LTB4R2: variants seen among roughly 807,000 people sequenced by gnomAD.
LTB4R2 encodes leukotriene B4 receptor 2.
LTB4R2 carries 6 observed loss-of-function variants against 5.3 expected under a neutral mutation model. The ratio of observed to expected loss-of-function variants is 1.14; its 90% CI spans 0.62 to 2.24. The LOEUF is 2.24. Among genes scored for constraint, LTB4R2 ranks in the 30% most tolerant of loss-of-function variants. LTB4R2 has a pLI of 0.00. For synonymous variants in LTB4R2, 310 were observed against 264.2 expected (o/e 1.17, Z -1.68); for missense variants, 560 against 521.5 (o/e 1.07, Z -0.72).
rs748272105 is a variant in LTB4R2, at chr14:24,311,418, C to T, written c.754C>T (p.Leu252=). The change falls in exon 2 of 2, where the codon CTG becomes TTG. Residue 252 remains leucine, a synonymous_variant. Transcript: ENST00000533293. ...AVNLLQAVAA[L]APPEGALAKL... Reference sequence around the variant, plus strand: ...CAACCTTCTGCAGGCGGTCGCAGCGCTGGCTCCACCGGAAGGGGCCTTGGC... The same window carrying T: ...CAACCTTCTGCAGGCGGTCGCAGCGTTGGCTCCACCGGAAGGGGCCTTGGC... 2 of 1,601,438 alleles carry T rather than the reference C, an allele frequency of 1.2e-6. No individual in the cohort carries two copies. Among genetic ancestry groups the T allele is most frequent in the Non-Finnish European group, 8.5e-7 (1 of 1,179,744 alleles).
chr14:24,310,901 G>T lies in LTB4R2; in HGVS notation c.237G>T (p.Val79=), dbSNP rs2041673866. 5.0e-6 allele frequency: 8 copies of T among 1,593,186 alleles called. No individual in the cohort carries two copies. The highest frequency in any genetic ancestry group is 5.1e-6 in the Non-Finnish European group (6 of 1,177,006). Residue 79 remains valine, a synonymous_variant, in exon 2 of 2, where the codon GTG becomes GTT. Coordinates refer to ENST00000533293, the MANE Select transcript of LTB4R2 (RefSeq NM_019839.5). ...GAVLLLTPLF[V]AFLTRQAWPL... is the part of the protein sequence containing the mutation. The stretch of plus-strand genomic sequence containing the variant: ...TGCTGCTGCTCACGCCGCTCTTTGT[G>T]GCCTTCCTGACCCGGCAGGCCTGGC...
Position 24,310,805 on chromosome 14 carries a change from CTGGCGGCCTGCACGG to C in LTB4R2, c.142_156del (p.Trp48_Arg52del). The C allele has an allele frequency of 3.8e-6, 6 of 1,598,168 alleles. No individual in the cohort carries two copies. Among genetic ancestry groups the C allele is most frequent in the Non-Finnish European group, 5.1e-6 (6 of 1,174,406 alleles). On this transcript the variant is annotated inframe_deletion, in exon 2 of 2. Coordinates refer to ENST00000533293, the MANE Select transcript of LTB4R2 (RefSeq NM_019839.5). ...GCTTCGTGGTGTGGAGCTTGGCGGG[CTGGCGGCCTGCACGG>C]GGGCGACCGCTGGCGGCCACGCTTG... is the stretch of plus-strand genomic sequence containing the variant.
In LTB4R2 at chr14:24,311,429, G is replaced by C. The variant is rs775298161; in HGVS notation, c.765G>C (p.Pro255=). 2 of 1,601,362 alleles carry C rather than the reference G, an allele frequency of 1.2e-6. No homozygotes were observed. Among genetic ancestry groups the C allele is most frequent in the Non-Finnish European group, 1.7e-6 (2 of 1,179,788 alleles). The part of the protein sequence containing the change: ...LLQAVAALAP[P]EGALAKLGGA... ...AGGCGGTCGCAGCGCTGGCTCCACCGGAAGGGGCCTTGGCGAAGCTGGGCG... is the reference window on the plus strand; with the variant it reads ...AGGCGGTCGCAGCGCTGGCTCCACCCGAAGGGGCCTTGGCGAAGCTGGGCG... The change falls in exon 2 of 2, where the codon CCG becomes CCC. Residue 255 remains proline (P), a synonymous_variant. Coordinates refer to ENST00000533293, the MANE Select transcript of LTB4R2 (RefSeq NM_019839.5).
In LTB4R2 at chr14:24,310,950, G is replaced by T; in HGVS notation, c.286G>T (p.Ala96Ser). The change falls in exon 2 of 2, where the codon GCG (alanine) becomes TCG (serine). Residue 96 changes from alanine (A) to serine (S), a missense_variant. Transcript: ENST00000533293. ...AWPLGQAGCK[A>S]VYYVCALSMY... Reference sequence around the variant, plus strand: ...GCCGCTGGGCCAGGCGGGCTGCAAGGCGGTGTACTACGTGTGCGCGCTCAG... The same window carrying T: ...GCCGCTGGGCCAGGCGGGCTGCAAGTCGGTGTACTACGTGTGCGCGCTCAG... 6.3e-7 allele frequency: 1 copy of T among 1,592,690 alleles called. No individual in the cohort carries two copies. Among genetic ancestry groups the T allele is most frequent in the Middle Eastern group, 1.7e-4 (1 of 5,990 alleles).
rs749291109 is a variant in LTB4R2 at position 24,310,683 on chromosome 14, C to G, written c.19C>G (p.Pro7Ala). 16 of 1,613,836 alleles carry G rather than the reference C, an allele frequency of 9.9e-6. No homozygotes were observed. Among genetic ancestry groups the G allele is most frequent in the Middle Eastern group, 1.6e-4 (1 of 6,084 alleles). ...CAGAAGGATGTCGGTCTGCTACCGT[C>G]CCCCAGGGAACGAGACACTGCTGAG... MSVCYRPPGNETLLSWK... is the reference protein window; with the variant it reads MSVCYRAPGNETLLSWK... The change falls in exon 2 of 2, where the codon CCC becomes GCC. Residue 7 changes from proline to alanine, a missense_variant. Transcript: ENST00000533293.
At chr14:24,310,521 C>A in intron 1 of LTB4R2, 134 bp from the exon 2 acceptor site, 1 of 900,480 alleles carries the variant, frequency 1.1e-6, no homozygotes, top group Non-Finnish European at 1.8e-6. Flanking sequence ...TCGTGGAAGT[C>A]AGGACTCCCA....
Position 24,311,670 on chromosome 14 carries a change from G to A in LTB4R2, c.1006G>A (p.Val336Met). 6.2e-7 allele frequency: 1 copy of A among 1,612,242 alleles called. No individual in the cohort carries two copies. The highest frequency in any genetic ancestry group is 8.5e-7 in the Non-Finnish European group (1 of 1,178,992). Residue 336 changes from valine (V) to methionine (M), a missense_variant, in exon 2 of 2, where the codon GTG becomes ATG. Transcript: ENST00000533293. ...ELRTTPQLKV[V>M]GQGRGNGDPG... ...CCGAACTACCCCTCAGCTGAAAGTGGTGGGGCAGGGCCGCGGCAATGGAGA... is the reference window on the plus strand; with the variant it reads ...CCGAACTACCCCTCAGCTGAAAGTGATGGGGCAGGGCCGCGGCAATGGAGA...
rs1207754786 is a variant in LTB4R2 at position 24,311,482 on chromosome 14, C to T, written c.818C>T (p.Thr273Ile). The T allele has an allele frequency of 1.2e-6, 2 of 1,601,588 alleles. No individual in the cohort carries two copies. The highest frequency in any genetic ancestry group is 1.1e-5 in the South Asian group (1 of 91,092). Residue 273 changes from threonine to isoleucine, a missense_variant, in exon 2 of 2, where the codon ACT (threonine) becomes ATT (isoleucine). Physicochemically the swap from Thr to Ile is moderately conservative, Grantham distance 89. Transcript: ENST00000533293. ...GCCGGCCAGGCGGCGCGAGCGGGAA[C>T]TACGGCCTTGGCCTTCTTCAGTTCT... Reference protein sequence around the residue: ...GGAGQAARAGTTALAFFSSSV... With the variant: ...GGAGQAARAGITALAFFSSSV...
chr14:24,311,736 C>CT lies in LTB4R2; in HGVS notation c.1075dup (p.Ter359LeufsTer57), dbSNP rs779286668. 108 of 1,575,842 alleles carry CT rather than the reference C, an allele frequency of 6.9e-5. No homozygotes were observed. In the East Asian group the frequency reaches 2.4e-3, roughly 35 times the overall value. On this transcript the variant is annotated frameshift_variant, in exon 2 of 2. Transcript: ENST00000533293. LOFTEE classifies it high-confidence loss of function. ...GGAGAAGGACGGTCCGGAATGGGAC[C>CT]TTTGACAGCAGACCCTACAACCTGC... is the stretch of plus-strand genomic sequence containing the variant.
Position 24,310,921 on chromosome 14 carries a change from C to G in LTB4R2, c.257C>G (p.Ala86Gly). Residue 86 changes from alanine to glycine, a missense_variant, in exon 2 of 2, where the codon GCC becomes GGC. Transcript: ENST00000533293. ...PLFVAFLTRQ[A>G]WPLGQAGCKA... ...TTTGTGGCCTTCCTGACCCGGCAGG[C>G]CTGGCCGCTGGGCCAGGCGGGCTGC... The G allele has an allele frequency of 2.5e-6, 4 of 1,589,060 alleles. No individual in the cohort carries two copies. Among genetic ancestry groups the G allele is most frequent in the Non-Finnish European group, 3.4e-6 (4 of 1,175,950 alleles).
Position 24,310,750 on chromosome 14 carries a change from T to G in LTB4R2, c.86T>G (p.Leu29Arg). Residue 29 changes from leucine (L) to arginine (R), a missense_variant, in exon 2 of 2, where the codon CTG (leucine) becomes CGG (arginine). By Grantham distance (102) the Leu-to-Arg change is moderately radical. Transcript: ENST00000533293. ...SRATGTAFLL[L>R]AALLGLPGNG... is the part of the protein sequence containing the mutation. ...GCCACAGGCACAGCCTTCCTGCTGC[T>G]GGCGGCGCTGCTGGGGCTGCCTGGC... 1 of 1,610,906 alleles carries G rather than the reference T, an allele frequency of 6.2e-7. No individual in the cohort carries two copies. The highest frequency in any genetic ancestry group is 8.5e-7 in the Non-Finnish European group (1 of 1,179,750).
Position 24,311,511 on chromosome 14 carries a change from G to A in LTB4R2, c.847G>A (p.Val283Ile), listed in dbSNP as rs771577157. Residue 283 changes from valine (V) to isoleucine (I), a missense_variant, in exon 2 of 2, where the codon GTC becomes ATC. Transcript: ENST00000533293. ...TTALAFFSSS[V>I]NPVLYVFTAG... ...GGCCTTGGCCTTCTTCAGTTCTAGCGTCAACCCGGTGCTCTACGTCTTCAC... is the reference window on the plus strand; with the variant it reads ...GGCCTTGGCCTTCTTCAGTTCTAGCATCAACCCGGTGCTCTACGTCTTCAC... The A allele has an allele frequency of 3.1e-6, 5 of 1,602,720 alleles. No homozygotes were observed. Among genetic ancestry groups the A allele is most frequent in the East Asian group, 2.2e-5 (1 of 44,884 alleles).
In LTB4R2 at chr14:24,311,153, G is replaced by A. The variant is rs776762055; in HGVS notation, c.489G>A (p.Trp163Ter). The change falls in exon 2 of 2, where the codon TGG (tryptophan) becomes TGA (stop). Residue 163 changes from tryptophan (W) to a stop codon, truncating the protein, a stop_gained. Transcript: ENST00000533293. LOFTEE classifies it low-confidence loss of function (END_TRUNC). ...AVPAAVYRHLWRDRVCQLCHP... is the reference protein window; with the variant it reads ...AVPAAVYRHL ...CGGCCGCCGTCTACCGCCACCTGTG[G>A]AGGGACCGCGTATGCCAGCTGTGCC... The A allele has an allele frequency of 4.4e-6, 7 of 1,602,148 alleles. No homozygotes were observed. The highest frequency in any genetic ancestry group is 6.0e-6 in the Non-Finnish European group (7 of 1,176,384).
rs961685433 is a variant in LTB4R2, at chr14:24,311,559, G to A, written c.895G>A (p.Ala299Thr). The change falls in exon 2 of 2, where the codon GCA (alanine) becomes ACA (threonine). Residue 299 changes from alanine (A) to threonine (T), a missense_variant. Ala to Thr is a moderately conservative substitution (Grantham distance 58). Transcript: ENST00000533293. ...CACCGCTGGAGATCTGCTGCCCCGG[G>A]CAGGTCCCCGTTTCCTCACGCGGCT... ...VFTAGDLLPRAGPRFLTRLFE... is the reference protein window; with the variant it reads ...VFTAGDLLPRTGPRFLTRLFE... 2 of 1,608,904 alleles carry A rather than the reference G, an allele frequency of 1.2e-6. No homozygotes were observed. The highest frequency in any genetic ancestry group is 1.3e-5 in the African/African-American group (1 of 75,074).
rs762503141 is a variant in LTB4R2, at chr14:24,311,508, A to G, written c.844A>G (p.Ser282Gly). 6.2e-7 allele frequency: 1 copy of G among 1,602,508 alleles called. No homozygotes were observed. The highest frequency in any genetic ancestry group is 1.3e-5 in the African/African-American group (1 of 74,946). Residue 282 changes from serine to glycine, a missense_variant, in exon 2 of 2, where the codon AGC becomes GGC. Ser to Gly is a moderately conservative substitution (Grantham distance 56, BLOSUM62 0). Coordinates refer to ENST00000533293, the MANE Select transcript of LTB4R2 (RefSeq NM_019839.5). ...TACGGCCTTGGCCTTCTTCAGTTCT[A>G]GCGTCAACCCGGTGCTCTACGTCTT... The part of the protein sequence containing the change: ...GTTALAFFSS[S>G]VNPVLYVFTA...
In LTB4R2 at chr14:24,310,191, C is replaced by A. The variant is rs1312099496; in HGVS notation, c.-75C>A. 2 of 370,250 alleles carry A rather than the reference C, an allele frequency of 5.4e-6. No homozygotes were observed. The highest frequency in any genetic ancestry group is 1.0e-5 in the Non-Finnish European group (2 of 199,790). 22.9% of individuals were successfully genotyped at this position (370,250 alleles called of 1,614,324 possible). On this transcript the variant is annotated 5_prime_UTR_variant, in exon 1 of 2. Coordinates refer to ENST00000533293, the MANE Select transcript of LTB4R2 (RefSeq NM_019839.5). ...GATAGGCACAGGACAGGAGTAGGCA[C>A]CTCGCCTACTGCTGCTTAACCTTTC...
rs1243325264 is a variant in LTB4R2, at chr14:24,310,828, C to A, written c.164C>A (p.Pro55Gln). ...GGCTGGCGGCCTGCACGGGGGCGAC[C>A]GCTGGCGGCCACGCTTGTGCTGCAC... ...LAGWRPARGRPLAATLVLHLA... is the reference protein window; with the variant it reads ...LAGWRPARGRQLAATLVLHLA... Residue 55 changes from proline to glutamine, a missense_variant, in exon 2 of 2, where the codon CCG (proline) becomes CAG (glutamine). Pro to Gln is a moderately conservative substitution (Grantham distance 76, BLOSUM62 -1). Transcript: ENST00000533293. 58 of 1,592,234 alleles carry A rather than the reference C, an allele frequency of 3.6e-5. No individual in the cohort carries two copies. The highest frequency in any genetic ancestry group is 4.9e-5 in the Non-Finnish European group (57 of 1,172,892).
Position 24,311,052 on chromosome 14 carries a change from C to A in LTB4R2, c.388C>A (p.Pro130Thr). 6.4e-7 allele frequency: 1 copy of A among 1,573,568 alleles called. No individual in the cohort carries two copies. Among genetic ancestry groups the A allele is most frequent in the Non-Finnish European group, 8.6e-7 (1 of 1,169,288 alleles). ...CLAVTRPFLA[P>T]RLRSPALARR... Reference sequence around the variant, plus strand: ...CGCAGTCACCCGCCCCTTCCTGGCGCCTCGGCTGCGCAGCCCGGCCCTGGC... The same window carrying A: ...CGCAGTCACCCGCCCCTTCCTGGCGACTCGGCTGCGCAGCCCGGCCCTGGC... Residue 130 changes from proline to threonine, a missense_variant, in exon 2 of 2, where the codon CCT (proline) becomes ACT (threonine). By Grantham distance (38) the Pro-to-Thr change is conservative. Transcript: ENST00000533293.
At chr14:24,310,530 C>G (rs769027824) in intron 1 of LTB4R2, 125 bp from the exon 2 acceptor site, 2 of 982,844 alleles carry the variant, frequency 2.0e-6, no homozygotes, top group Non-Finnish European at 1.6e-6. Context: ...TCAGGACTCC[C>G]AGGCAGAAAA....
Sources: gnomAD v4.1 joint callset for allele counts on GRCh38, gnomAD v4.1.1 for gene constraint, MANE v1.5 for transcripts, NCBI Gene and HGNC (gene_info 2026-07-23, HGNC 2026-07-21) for gene names.